The following SNRPD2 variants were observed in gnomAD, a reference collection of about 807,000 sequenced individuals.
The protein encoded by SNRPD2 is small nuclear ribonucleoprotein Sm D2.
SNRPD2 carries 1 observed loss-of-function variant against 11.5 expected under a neutral mutation model. The observed-to-expected ratio is 0.09, with a 90% CI of 0.03 to 0.41. The LOEUF is 0.41. SNRPD2 is among the 10% of genes least tolerant of loss of function. The pLI is 0.98. For missense variants in SNRPD2, 77 were observed against 154.9 expected, an observed-to-expected ratio of 0.50 and a Z score of 2.67; for synonymous variants, 63 against 61.5, an observed-to-expected ratio of 1.02 and a Z score of -0.12.
chr19:45,690,335 A>AT, intron 1 of SNRPD2, among the ~76,000 whole-genome samples: 1 of 150,746 alleles, frequency 6.6e-6, no homozygotes, highest in African/African-American at 2.4e-5. Context: ...GTCTCAAAAA[A>AT]AAAAAAAAAA....
upstream of SNRPD2, chr19:45,692,229 G>T (rs140846564): frequency 2.8e-5 from 11 of 395,890 alleles, no homozygotes; most frequent in Admixed American, 1.6e-4. Flanking sequence ...AATGCCCGCC[G>T]GCCGTGACTT....
chr19:45,690,844 A>AAG (rs888423292), intron 1 of SNRPD2, among the ~76,000 whole-genome samples: 10 of 152,040 alleles, frequency 6.6e-5, no homozygotes, highest in African/African-American at 2.4e-4. Context: ...AAAAAAAAAA[A>AAG]AAAAGAAAAA....
At chr19:45,690,919 C>T (rs1967529159) in intron 1 of SNRPD2, among the ~76,000 whole-genome samples, 1 of 151,932 alleles carries the variant, frequency 6.6e-6, no homozygotes, top group Non-Finnish European at 1.5e-5. Flanking sequence ...TCCTATGTAG[C>T]TTAAGCAGTG....
chr19:45,689,802 C>A (rs576380757), intron 1 of SNRPD2, among the ~76,000 whole-genome samples: 1 of 141,286 alleles, frequency 7.1e-6, no homozygotes, highest in Non-Finnish European at 1.5e-5. Flanking sequence ...GGGAGGCCGA[C>A]GCGAGGTGGA....
chr19:45,687,704 T>C lies in SNRPD2; in HGVS notation c.206A>G (p.Asn69Ser). Residue 69 changes from asparagine to serine, a missense_variant, in exon 3 of 3, where the codon AAC becomes AGC. By Grantham distance (46) the Asn-to-Ser change is conservative (BLOSUM62 1). Transcript: ENST00000342669. The surrounding 1 kb of genome is among the most constrained non-coding windows in gnomAD (Gnocchi z 4.1). ...TACCTCAGTCCACATCTCCTTCACG[T>C]TCTCCAGCACCATGTTGCAGTGCCT... ...FDRHCNMVLE[N>S]VKEMWTEVPK... 1 of 1,613,974 alleles carries C rather than the reference T, an allele frequency of 6.2e-7. No individual in the cohort carries two copies. Among genetic ancestry groups the C allele is most frequent in the Non-Finnish European group, 8.5e-7 (1 of 1,179,976 alleles).
At position 45,687,769 on chromosome 19, in the gene SNRPD2, G is replaced by A. The variant is rs765812012; in HGVS notation, c.183-42C>T. On this transcript the variant is annotated intron_variant, in intron 2 of 2. Coordinates refer to ENST00000342669, the MANE Select transcript of SNRPD2 (RefSeq NM_001384647.1). The surrounding 1 kb of genome is among the most constrained non-coding windows in gnomAD (Gnocchi z 4.1). ...AGGGGAGGCACTGGGCGTGAGGGGCGTGCCTCTGACAGTGCCCCCTACTGC... is the reference window on the plus strand; with the variant it reads ...AGGGGAGGCACTGGGCGTGAGGGGCATGCCTCTGACAGTGCCCCCTACTGC... The A allele has an allele frequency of 1.2e-5, 19 of 1,528,414 alleles. No individual in the cohort carries two copies. The highest frequency in any genetic ancestry group is 4.5e-5 in the East Asian group (2 of 44,454). The allele number at this position is 1,528,414 out of a possible 1,614,324, so 94.7% of individuals were successfully genotyped here.
Position 45,688,456 on chromosome 19 carries a change from T to C in SNRPD2, c.113A>G (p.Asn38Ser). The change falls in exon 2 of 3, where the codon AAC becomes AGC. Residue 38 changes from asparagine to serine, a missense_variant. By Grantham distance (46) the Asn-to-Ser change is conservative (BLOSUM62 1). Transcript: ENST00000342669. The surrounding 1 kb of genome is among the most constrained non-coding windows in gnomAD (Gnocchi z 4.1). ...PLSVLTQSVK[N>S]NTQVLINCRN... ...GCAGTTGATGAGCACTTGGGTATTG[T>C]TCTTGACTGACTGTGTGAGCACAGA... is the stretch of plus-strand genomic sequence containing the variant. 6.2e-7 allele frequency: 1 copy of C among 1,614,206 alleles called. No individual in the cohort carries two copies. The highest frequency in any genetic ancestry group is 8.5e-7 in the Non-Finnish European group (1 of 1,180,030).
chr19:45,691,878 C>T lies in SNRPD2; in HGVS notation c.2+9G>A, dbSNP rs373585089. 3.1e-6 allele frequency: 5 copies of T among 1,614,046 alleles called. No individual in the cohort carries two copies. Among genetic ancestry groups the T allele is most frequent in the African/African-American group, 1.3e-5 (1 of 74,932 alleles). On this transcript the variant is annotated intron_variant, in intron 1 of 2. Transcript: ENST00000342669. ...TCATTCCCGCCGCCTAAGCCTAGCC[C>T]GGCCTCACATGATGGTCACTACGCT... is the stretch of plus-strand genomic sequence containing the variant.
rs762526902 is a variant in SNRPD2 at position 45,688,379 on chromosome 19, G to A, written c.182+8C>T. 1.2e-6 allele frequency: 2 copies of A among 1,613,664 alleles called. No individual in the cohort carries two copies. The highest frequency in any genetic ancestry group is 1.7e-6 in the Non-Finnish European group (2 of 1,179,562). On this transcript the variant is annotated splice_region_variant and intron_variant, in intron 2 of 2. Coordinates refer to ENST00000342669, the MANE Select transcript of SNRPD2 (RefSeq NM_001384647.1). This position sits in a 1 kb window ranked among gnomAD's most constrained non-coding sequence, Gnocchi z 4.1. ...TGCGGAGAACACCTCCCAGGACCCA[G>A]CACTCACCTATCGAAGGCCTTCACG...
In SNRPD2 at chr19:45,688,208, C is replaced by T. The variant is rs188633052; in HGVS notation, c.182+179G>A. 3.9e-5 allele frequency among the ~76,000 whole-genome samples: 6 copies of T among 152,248 alleles called. No homozygotes were observed. In the East Asian group the frequency reaches 1.2e-3, roughly 29 times the overall value. On this transcript the variant is annotated intron_variant, in intron 2 of 2. Transcript: ENST00000342669. The surrounding 1 kb of genome is among the most constrained non-coding windows in gnomAD (Gnocchi z 4.1). Reference sequence around the variant, plus strand: ...ATTTTAGCTAAGCTGGTCTTGAACTCCTGACCTCAGGTGATCTACCCGCCT... The same window carrying T: ...ATTTTAGCTAAGCTGGTCTTGAACTTCTGACCTCAGGTGATCTACCCGCCT...
At chr19:45,690,224 G>T (rs574346311) in intron 1 of SNRPD2, among the ~76,000 whole-genome samples, 1 of 150,224 alleles carries the variant, frequency 6.7e-6, no homozygotes, top group African/African-American at 2.4e-5. Flanking sequence ...CCAGCTACTC[G>T]GGAGGCTGAG....
At position 45,687,595 on chromosome 19, in the gene SNRPD2, T is replaced by G. The variant is rs772089761; in HGVS notation, c.315A>C (p.Ser105=). The part of the protein sequence containing the change: ...YISKMFLRGD[S]VIVVLRNPLI... ...GCGGGTTCCGCAGGACCACGATGACTGAGTCCCCGCGCAGGAACATCTTGG... is the reference window on the plus strand; with the variant it reads ...GCGGGTTCCGCAGGACCACGATGACGGAGTCCCCGCGCAGGAACATCTTGG... The change falls in exon 3 of 3, where the codon TCA becomes TCC. Residue 105 remains serine (S), a synonymous_variant. Transcript: ENST00000342669. This position sits in a 1 kb window ranked among gnomAD's most constrained non-coding sequence, Gnocchi z 4.1. The G allele has an allele frequency of 6.2e-7, 1 of 1,614,096 alleles. No individual in the cohort carries two copies. Among genetic ancestry groups the G allele is most frequent in the African/African-American group, 1.3e-5 (1 of 74,944 alleles).
chr19:45,688,628 G>T lies in SNRPD2; in HGVS notation c.3-62C>A. 7.5e-7 allele frequency: 1 copy of T among 1,328,510 alleles called. No homozygotes were observed. Among genetic ancestry groups the T allele is most frequent in the Non-Finnish European group, 1.1e-6 (1 of 926,774 alleles). 82.3% of individuals were successfully genotyped at this position (1,328,510 alleles called of 1,614,324 possible). On this transcript the variant is annotated intron_variant, in intron 1 of 2. Coordinates refer to ENST00000342669, the MANE Select transcript of SNRPD2 (RefSeq NM_001384647.1). The surrounding 1 kb of genome is among the most constrained non-coding windows in gnomAD (Gnocchi z 4.1). The stretch of plus-strand genomic sequence containing the variant: ...GCTGGAGTTGAGAGGCTGGAGCTGT[G>T]AGGATGGGTGATCAGGGCCTTGGCT...
chr19:45,688,634 G>C lies in SNRPD2; in HGVS notation c.3-68C>G. ...GTTGAGAGGCTGGAGCTGTGAGGATGGGTGATCAGGGCCTTGGCTTCAGTG... is the reference window on the plus strand; with the variant it reads ...GTTGAGAGGCTGGAGCTGTGAGGATCGGTGATCAGGGCCTTGGCTTCAGTG... On this transcript the variant is annotated intron_variant, in intron 1 of 2. Transcript: ENST00000342669. This position sits in a 1 kb window ranked among gnomAD's most constrained non-coding sequence, Gnocchi z 4.1. 8.1e-7 allele frequency: 1 copy of C among 1,235,108 alleles called. No homozygotes were observed. Among genetic ancestry groups the C allele is most frequent in the Non-Finnish European group, 1.2e-6 (1 of 844,006 alleles). The allele number at this position is 1,235,108 out of a possible 1,614,324, so 76.5% of individuals were successfully genotyped here.
At chr19:45,690,150 T>C (rs1967500483) in intron 1 of SNRPD2, among the ~76,000 whole-genome samples, 1 of 149,452 alleles carries the variant, frequency 6.7e-6, no homozygotes, top group Non-Finnish European at 1.5e-5. Context: ...GCTAACACGG[T>C]GAAACCCCGT....
chr19:45,691,985 GT>G, upstream of SNRPD2: 1 of 1,612,156 alleles, frequency 6.2e-7, no homozygotes, highest in East Asian at 2.2e-5. Flanking sequence ...ACCCACTTCC[GT>G]TGGCGCCTGC....
chr19:45,691,716 G>T, intron 1 of SNRPD2, 171 bp downstream of exon 1: 2 of 799,684 alleles, frequency 2.5e-6, no homozygotes, highest in Non-Finnish European at 2.1e-6. Context: ...AAGTCACGAT[G>T]CGTCAAAGGC....
At chr19:45,690,218 CTA>C (rs1219544034) in intron 1 of SNRPD2, among the ~76,000 whole-genome samples, 8 of 149,322 alleles carry the variant, frequency 5.4e-5, no homozygotes, top group Non-Finnish European at 1.2e-4. Context: ...GTAGTCCCAG[CTA>C]CTCGGGAGGC....
intron 1 of SNRPD2, chr19:45,691,469 CATTTCAATAGGACTA>C (rs1400040387): frequency 6.0e-6 from 1 of 167,602 alleles, no homozygotes; most frequent in African/African-American, 2.4e-5. Flanking sequence ...CCTTAACATT[CATTTCAATAGGACTA>C]ATTATCTAGG....
Sources: gnomAD v4.1 joint callset for allele counts (sites outside exome capture counted in the v4.1 genomes callset) on GRCh38, gnomAD v4.1.1 for gene constraint, Gnocchi (gnomAD v3.1) non-coding constraint, MANE v1.5 for transcripts, NCBI Gene and HGNC (gene_info 2026-07-23, HGNC 2026-07-21) for gene names.